Variants in ANKS1B observed in about 807,000 individuals in gnomAD.
The protein encoded by ANKS1B is ankyrin repeat and sterile alpha motif domain-containing protein 1B.
In ANKS1B, 36 loss-of-function variants were observed where a neutral mutation model predicts 148.3. The ratio of observed to expected loss-of-function variants is 0.24; its 90% CI spans 0.19 to 0.32. ANKS1B has a LOEUF of 0.32. Ranked by LOEUF, ANKS1B falls within the 10% of genes least tolerant of loss-of-function variation. The probability of loss-of-function intolerance (pLI) is 1.00; values close to 1 mark genes in which losing one functional copy is unlikely to be tolerated. For synonymous variants in ANKS1B, 542 were observed against 560.8 expected (o/e 0.97, Z 0.47); for missense variants, 1,157 against 1,542.6 (o/e 0.75, Z 4.19).
chr12:98,858,022 T>C (rs2099580604), intron 17 of ANKS1B, among the ~76,000 whole-genome samples: 1 of 152,254 alleles, frequency 6.6e-6, no homozygotes, highest in Admixed American at 6.5e-5. Context: ...ACTATAGTTA[T>C]ACTTTTAGTT....
At chr12:99,290,437 TATC>T (rs1335557028) in intron 12 of ANKS1B, among the ~76,000 whole-genome samples, 1 of 151,998 alleles carries the variant, frequency 6.6e-6, no homozygotes, top group Non-Finnish European at 1.5e-5. Flanking sequence ...ATTATGCTGA[TATC>T]ATAAACAAAG....
intron 8 of ANKS1B, among the ~76,000 whole-genome samples, chr12:99,714,135 C>T (rs7957296): frequency 0.66 from 100,776 of 152,016 alleles, 33,502 homozygotes; most frequent in Non-Finnish European, 0.69. Flanking sequence ...TTCAAAAGGC[C>T]GCCCGCATTC....
At chr12:99,797,012 T>C (rs2066333196) in intron 4 of ANKS1B, among the ~76,000 whole-genome samples, 1 of 151,950 alleles carries the variant, frequency 6.6e-6, no homozygotes, top group Non-Finnish European at 1.5e-5. Flanking sequence ...TAAGAGAACA[T>C]GAGAACTGTC....
intron 8 of ANKS1B, among the ~76,000 whole-genome samples, chr12:99,669,312 A>C (rs2098525316): frequency 6.6e-6 from 1 of 152,212 alleles, no homozygotes. Context: ...CTGGGACTAC[A>C]GGAATGTCCC....
chr12:99,704,365 T>A (rs1323445746), intron 8 of ANKS1B, among the ~76,000 whole-genome samples: 1 of 151,966 alleles, frequency 6.6e-6, no homozygotes, highest in Non-Finnish European at 1.5e-5. Flanking sequence ...TTGGCTTACA[T>A]TAAAAAATAG....
chr12:99,527,201 G>C (rs1161791244), intron 9 of ANKS1B, among the ~76,000 whole-genome samples: 14 of 151,648 alleles, frequency 9.2e-5, no homozygotes, highest in Admixed American at 9.2e-4. Context: ...AGCCAATATA[G>C]AGTTAAAAAA....
intron 9 of ANKS1B, among the ~76,000 whole-genome samples, chr12:99,562,728 T>C (rs911343682): frequency 6.6e-6 from 1 of 152,184 alleles, no homozygotes; most frequent in African/African-American, 2.4e-5. Flanking sequence ...TCACTCACTA[T>C]CATGAGAAGA....
At position 99,475,343 on chromosome 12, in the gene ANKS1B, A is replaced by G. The variant is rs530752475; in HGVS notation, c.1438+29133T>C. Among the ~76,000 whole-genome samples, 36 of 151,850 alleles carry G rather than the reference A, an allele frequency of 2.4e-4. No homozygotes were observed. The South Asian group carries it at 7.2e-3, about 31-fold the overall frequency. On this transcript the variant is annotated intron_variant, in intron 10 of 26. Coordinates refer to ENST00000683438, the MANE Select transcript of ANKS1B (RefSeq NM_001352186.2). ...TGTAAGGTAGCTGAATACAACTAAT[A>G]TATTAAAAATTCAATACTTATTGTG...
intron 8 of ANKS1B, among the ~76,000 whole-genome samples, chr12:99,668,276 T>C (rs1467954748): frequency 6.6e-6 from 1 of 152,142 alleles, no homozygotes; most frequent in South Asian, 2.1e-4. Flanking sequence ...AAGTTATTCA[T>C]ATTGTTCCTT....
At chr12:98,919,932 G>A (rs1423477709) in intron 17 of ANKS1B, among the ~76,000 whole-genome samples, 1 of 152,198 alleles carries the variant, frequency 6.6e-6, no homozygotes, top group African/African-American at 2.4e-5. Flanking sequence ...GCAACTTCAG[G>A]AATTGGGGAA....
chr12:99,172,577 C>G (rs980842653), intron 14 of ANKS1B, among the ~76,000 whole-genome samples: 3 of 152,134 alleles, frequency 2.0e-5, no homozygotes, highest in African/African-American at 7.2e-5. Context: ...TTTAGTCTGC[C>G]ATGCCTCAGC....
chr12:99,168,196 A>C (rs555590092), intron 14 of ANKS1B, among the ~76,000 whole-genome samples: 20 of 152,180 alleles, frequency 1.3e-4, no homozygotes, highest in Non-Finnish European at 2.6e-4. Flanking sequence ...CGTTTGTTGT[A>C]GGTTAATGAT....
intron 22 of ANKS1B, among the ~76,000 whole-genome samples, chr12:98,789,678 G>A (rs1256837041): frequency 6.6e-6 from 1 of 152,134 alleles, no homozygotes; most frequent in African/African-American, 2.4e-5. Flanking sequence ...GGTAAAGGGT[G>A]TTACCCATAG....
chr12:99,886,180 T>A (rs1236766721), intron 1 of ANKS1B, among the ~76,000 whole-genome samples: 1 of 152,256 alleles, frequency 6.6e-6, no homozygotes. Context: ...GTTTTTTGAT[T>A]CTTAAATAAT....
chr12:99,545,900 C>G (rs1392322076), intron 9 of ANKS1B, among the ~76,000 whole-genome samples: 1 of 151,686 alleles, frequency 6.6e-6, no homozygotes, highest in Non-Finnish European at 1.5e-5. Flanking sequence ...TATTTTCTTG[C>G]ATGTTTTAAT....
intron 1 of ANKS1B, among the ~76,000 whole-genome samples, chr12:99,903,478 C>T (rs1210326938): frequency 6.6e-6 from 1 of 152,150 alleles, no homozygotes; most frequent in East Asian, 1.9e-4. Flanking sequence ...GGGAATAAGG[C>T]TGATACCCAG....
At chr12:99,873,465 T>A (rs1244735393) in intron 1 of ANKS1B, among the ~76,000 whole-genome samples, 1 of 152,188 alleles carries the variant, frequency 6.6e-6, no homozygotes, top group Admixed American at 6.5e-5. Flanking sequence ...ATCAACTTTC[T>A]ACCTATCCCT....
At chr12:99,194,240 C>G (rs76830695) in intron 14 of ANKS1B, among the ~76,000 whole-genome samples, 2 of 152,112 alleles carry the variant, frequency 1.3e-5, no homozygotes, top group East Asian at 3.9e-4. Flanking sequence ...ATTGCATAAA[C>G]ATATGAATAC....
intron 10 of ANKS1B, among the ~76,000 whole-genome samples, chr12:99,493,944 T>A (rs763233324): frequency 6.6e-6 from 1 of 152,082 alleles, no homozygotes; most frequent in African/African-American, 2.4e-5. Flanking sequence ...ATAGATGAGA[T>A]AATTTATAGA....
Sources: allele counts gnomAD v4.1 joint callset (sites outside exome capture counted in the v4.1 genomes callset), GRCh38; gene constraint gnomAD v4.1.1; transcripts MANE v1.5; gene names NCBI Gene and HGNC (gene_info 2026-07-23, HGNC 2026-07-21).